The following RPS20 variants were observed in gnomAD, a reference collection of about 807,000 sequenced individuals.
The protein encoded by RPS20 is small ribosomal subunit protein uS10.
A neutral mutation model predicts 15.3 loss-of-function variants in RPS20; 3 were observed. The ratio of observed to expected loss-of-function variants is 0.20; its 90% CI spans 0.09 to 0.51. RPS20 has a LOEUF of 0.51. Among genes scored for constraint, RPS20 ranks in the 20% least tolerant of loss-of-function variants. The pLI is 0.96. For synonymous variants in RPS20, 62 were observed against 47.8 expected (o/e 1.30, Z -1.23); for missense variants, 67 against 145.9 (o/e 0.46, Z 2.79).
chr8:56,072,993 C>G, downstream of RPS20: 1 of 1,496,390 alleles, frequency 6.7e-7, no homozygotes, highest in East Asian at 2.3e-5. Flanking sequence ...AAGTGGAAGT[C>G]TCATAGTACA....
chr8:56,068,735 A>C (rs1449238703), downstream of RPS20, among the ~76,000 whole-genome samples: 2 of 144,726 alleles, frequency 1.4e-5, no homozygotes, highest in Non-Finnish European at 3.0e-5. Context: ...AAATGTGCAC[A>C]GTTGCTTGAA....
rs1563348100 is a variant in RPS20 at position 56,073,873 on chromosome 8, T to TCAA, written c.104-108_104-106dup. The TCAA allele has an allele frequency of 4.3e-6, 5 of 1,169,400 alleles. No homozygotes were observed. The Middle Eastern group carries it at 5.8e-4, about 135-fold the overall frequency. The allele number at this position is 1,169,400 out of a possible 1,614,324, so 72.4% of individuals were successfully genotyped here. A position where few individuals can be genotyped will look rare whatever the true frequency, so the allele number is the denominator to read the frequency against. Reference sequence around the variant, plus strand: ...TAGCGTATAAAATTATCACCGTTACTCAACACAATAGGTACCTCCTCATCG... The same window carrying TCAA: ...TAGCGTATAAAATTATCACCGTTACTCAACAACACAATAGGTACCTCCTCATCG... On this transcript the variant is annotated intron_variant, in intron 2 of 3. Transcript: ENST00000009589.
chr8:56,067,373 T>A (rs1809639661), exon 6 of RPS20: 2 of 152,036 alleles, frequency 1.3e-5, no homozygotes. Flanking sequence ...CATTGAGATA[T>A]TATTCAGCCT....
chr8:56,074,322 G>A (rs1020962438), intron 1 of RPS20, 59 bp downstream of exon 1: 7 of 1,547,502 alleles, frequency 4.5e-6, no homozygotes, highest in Admixed American at 1.9e-5. Context: ...ACTCGAAACC[G>A]GGGTCCCCCC....
downstream of RPS20, among the ~76,000 whole-genome samples, chr8:56,071,273 CTCAG>C (rs1470720056): frequency 3.3e-5 from 5 of 152,110 alleles, no homozygotes; most frequent in South Asian, 2.1e-4. Context: ...ATTTCATTTC[CTCAG>C]TCAGTTCTCA....
At chr8:56,071,510 T>A (rs1165263812), downstream of RPS20, among the ~76,000 whole-genome samples, 1 of 152,194 alleles carries the variant, frequency 6.6e-6, no homozygotes, top group Non-Finnish European at 1.5e-5. Context: ...TGTCTTGAGA[T>A]CTGAAGTAGA....
downstream of RPS20, among the ~76,000 whole-genome samples, chr8:56,072,098 C>T (rs532491735): frequency 2.6e-5 from 4 of 152,160 alleles, no homozygotes; most frequent in Non-Finnish European, 5.9e-5. Flanking sequence ...ATTAGCTGGG[C>T]ATGGTAGCCA....
At chr8:56,069,160 T>C (rs562689826), downstream of RPS20, among the ~76,000 whole-genome samples, 6 of 152,040 alleles carry the variant, frequency 3.9e-5, no homozygotes, top group South Asian at 1.2e-3. Flanking sequence ...TCTCTAAGAG[T>C]TCAATTTCTA....
rs1182014153 is a variant in RPS20, at chr8:56,073,717, CCTTTCA to C, written c.149_154del (p.Val50_Lys51del). 3.1e-6 allele frequency: 5 copies of C among 1,614,034 alleles called. No individual in the cohort carries two copies. Among genetic ancestry groups the C allele is most frequent in the Admixed American group, 1.7e-5 (1 of 60,024 alleles). On this transcript the variant is annotated inframe_deletion, in exon 3 of 4. Transcript: ENST00000009589. ...TACCTTGGTAGGCATTCGAACTGGTCCTTTCACTTTGAGATTCTTTTCTTTTGCGCC... is the reference window on the plus strand; with the variant it reads ...TACCTTGGTAGGCATTCGAACTGGTCCTTTGAGATTCTTTTCTTTTGCGCC...
chr8:56,068,942 GC>G (rs1159053302), downstream of RPS20, among the ~76,000 whole-genome samples: 4 of 145,260 alleles, frequency 2.8e-5, no homozygotes, highest in Admixed American at 2.2e-4. Context: ...GGGACCACAG[GC>G]ACGCACTGCC....
At chr8:56,071,297 T>C (rs1034749571), downstream of RPS20, among the ~76,000 whole-genome samples, 7 of 152,244 alleles carry the variant, frequency 4.6e-5, no homozygotes, top group Non-Finnish European at 5.9e-5. Flanking sequence ...AAGACATGTG[T>C]GCTCTAAAGA....
chr8:56,074,239 C>G, intron 1 of RPS20, 80 bp from the exon 2 acceptor site: 1 of 1,525,110 alleles, frequency 6.6e-7, no homozygotes, highest in East Asian at 2.3e-5. Flanking sequence ...CCGGAAGCTT[C>G]CCGCGTTTCC....
downstream of RPS20, chr8:56,072,716 A>T (rs538559165): frequency 1.3e-4 from 28 of 221,554 alleles, no homozygotes; most frequent in African/African-American, 6.7e-4. Context: ...GTTAATTTAA[A>T]AATATTAGTT....
At chr8:56,073,005 C>A, downstream of RPS20, 1 of 1,534,748 alleles carries the variant, frequency 6.5e-7, no homozygotes, top group Non-Finnish European at 8.7e-7. Flanking sequence ...CATAGTACAC[C>A]TTTATATTCC....
intron 2 of RPS20, 42 bp downstream of exon 2, chr8:56,074,018 T>C (rs1436678722): frequency 6.8e-7 from 1 of 1,475,102 alleles, no homozygotes. Context: ...TCGTCGCTTT[T>C]CGCCCAATTC....
chr8:56,073,038 T>A, downstream of RPS20: 3 of 1,574,960 alleles, frequency 1.9e-6, no homozygotes, highest in South Asian at 2.3e-5. Flanking sequence ...GTATTCTGAA[T>A]AAAAACCAAC....
chr8:56,073,540 C>A, intron 3 of RPS20, 155 bp downstream of exon 3: 1 of 693,542 alleles, frequency 1.4e-6, no homozygotes, highest in Non-Finnish European at 2.6e-6. Context: ...TAAACATTAG[C>A]TACTTACTAG....
In RPS20 at chr8:56,073,531, A is replaced by G; in HGVS notation, c.177+164T>C. On this transcript the variant is annotated intron_variant, in intron 3 of 3. Coordinates refer to ENST00000009589, the MANE Select transcript of RPS20 (RefSeq NM_001023.4). ...CAACAATAATTCAACAATCATATCT[A>G]AACATTAGCTACTTACTAGGAACCG... 8.9e-6 allele frequency: 6 copies of G among 677,112 alleles called. 1 individual carries two copies. The South Asian group carries it at 1.0e-4, about 12-fold the overall frequency. The allele number at this position is 677,112 out of a possible 1,614,324, so 41.9% of individuals were successfully genotyped here.
chr8:56,071,058 ATTT>A (rs1286018780), downstream of RPS20, among the ~76,000 whole-genome samples: 1 of 152,216 alleles, frequency 6.6e-6, no homozygotes, highest in Admixed American at 6.5e-5. Context: ...GCAGTTTCAA[ATTT>A]TTTAGTGCTA....
Sources: gnomAD v4.1 joint callset for allele counts (sites outside exome capture counted in the v4.1 genomes callset) on GRCh38, gnomAD v4.1.1 for gene constraint, MANE v1.5 for transcripts, NCBI Gene and HGNC (gene_info 2026-07-23, HGNC 2026-07-21) for gene names.